SLC22A16: variants seen among roughly 807,000 people sequenced by gnomAD.
The protein encoded by SLC22A16 is solute carrier family 22 member 16.
SLC22A16 carries 53 observed loss-of-function variants against 52.9 expected under a neutral mutation model. That is an observed-to-expected ratio of 1.00 (90% confidence interval 0.80 to 1.26). The LOEUF (loss-of-function observed/expected upper bound fraction) is 1.26, where lower values mean the gene tolerates loss of function less well. Ranked by LOEUF, SLC22A16 falls within the 50% of genes most tolerant of loss-of-function variation. The probability of loss-of-function intolerance (pLI) is 0.00; values close to 1 mark genes in which losing one functional copy is unlikely to be tolerated. For synonymous variants in SLC22A16, 291 were observed against 268.8 expected (o/e 1.08, Z -0.81); for missense variants, 726 against 704.0 (o/e 1.03, Z -0.35).
chr6:110,440,235 G>A (rs1311293567), intron 4 of SLC22A16: 2 of 152,270 alleles, frequency 1.3e-5, no homozygotes, highest in Admixed American at 6.6e-5. Flanking sequence ...GAACTCCTGG[G>A]CTCAAGTAAT....
intron 7 of SLC22A16, among the ~76,000 whole-genome samples, chr6:110,430,232 G>C (rs1016370710): frequency 1.3e-5 from 2 of 152,024 alleles, no homozygotes; most frequent in African/African-American, 4.8e-5. Context: ...AGAAGCCGAT[G>C]CCACAGTGTC....
chr6:110,462,385 A>T (rs1177297055), intron 1 of SLC22A16, among the ~76,000 whole-genome samples: 1 of 152,216 alleles, frequency 6.6e-6, no homozygotes, highest in Non-Finnish European at 1.5e-5. Flanking sequence ...ACAGATAAAG[A>T]ATTCAAAATA....
Position 110,442,474 on chromosome 6 carries a change from C to T in SLC22A16, c.953G>A (p.Ser318Asn), listed in dbSNP as rs1223748318. Residue 318 changes from serine (S) to asparagine (N), a missense_variant, in exon 4 of 8, where the codon AGC becomes AAC. Ser to Asn is a conservative substitution (Grantham distance 46). Transcript: ENST00000368919. ...TAAAAGTTCTGACAGTTTACAGGAG[C>T]TTGCCCTGTTCCACTTGGCCATGAT... ...VDIMAKWNRASSCKLSELLSL... is the reference protein window; with the variant it reads ...VDIMAKWNRANSCKLSELLSL... The T allele has an allele frequency of 6.8e-6, 11 of 1,614,212 alleles. No homozygotes were observed. Among genetic ancestry groups the T allele is most frequent in the Non-Finnish European group, 8.5e-6 (10 of 1,180,032 alleles).
intron 6 of SLC22A16, among the ~76,000 whole-genome samples, chr6:110,434,097 G>A (rs573374746): frequency 5.1e-4 from 78 of 152,064 alleles, no homozygotes; most frequent in African/African-American, 1.7e-3. Flanking sequence ...AAAATTAGCC[G>A]GGCATGGTGG....
chr6:110,429,084 A>G (rs772227174), intron 7 of SLC22A16, among the ~76,000 whole-genome samples: 5 of 152,192 alleles, frequency 3.3e-5, no homozygotes, highest in Admixed American at 1.3e-4. Context: ...TATCTATTTT[A>G]TATTTGCATG....
In SLC22A16 at chr6:110,451,260, C is replaced by T. The variant is rs552604556; in HGVS notation, c.534-4270G>A. Reference sequence around the variant, plus strand: ...GAGTGCAGGGCTGTTAGGAACAATGCTGTGAGGGCACTTTTATGCATGTAC... The same window carrying T: ...GAGTGCAGGGCTGTTAGGAACAATGTTGTGAGGGCACTTTTATGCATGTAC... On this transcript the variant is annotated intron_variant, in intron 2 of 7. Transcript: ENST00000368919. Among the ~76,000 whole-genome samples the T allele has an allele frequency of 2.6e-5, 4 of 152,318 alleles. No homozygotes were observed. The South Asian group carries it at 8.3e-4, about 32-fold the overall frequency.
Position 110,456,862 on chromosome 6 carries a change from C to T in SLC22A16, c.209G>A (p.Ser70Asn), listed in dbSNP as rs145653089. Reference sequence around the variant, plus strand: ...CAACAGGGCCCCGGTGTCCTCCAAACTCCAATTAGAGTGATTATGGAAAAC... The same window carrying T: ...CAACAGGGCCCCGGTGTCCTCCAAATTCCAATTAGAGTGATTATGGAAAAC... ...QVVFHNHSNW[S>N]LEDTGALLSS... Residue 70 changes from serine to asparagine, a missense_variant, in exon 2 of 8, where the codon AGT becomes AAT. Coordinates refer to ENST00000368919, the MANE Select transcript of SLC22A16 (RefSeq NM_033125.4). 941 of 1,614,136 alleles carry T rather than the reference C, an allele frequency of 5.8e-4. 8 individuals carry two copies. The Middle Eastern group carries it at 6.8e-3, about 12-fold the overall frequency.
Position 110,431,215 on chromosome 6 carries a change from G to C in SLC22A16, c.1477C>G (p.Pro493Ala). Residue 493 changes from proline (P) to alanine (A), a missense_variant, in exon 7 of 8, where the codon CCG becomes GCG. Physicochemically the swap from Pro to Ala is conservative, Grantham distance 27. Transcript: ENST00000368919. ...ATGCTGCTGAGGTCCACAGAGAACG[G>C]CGCCAGGATGCTGGCCAGGCGACAC... ...MVCRLASILA[P>A]FSVDLSSIWI... 1 of 1,613,710 alleles carries C rather than the reference G, an allele frequency of 6.2e-7. No individual in the cohort carries two copies. The highest frequency in any genetic ancestry group is 8.5e-7 in the Non-Finnish European group (1 of 1,180,006).
At position 110,425,072 on chromosome 6, in the gene SLC22A16, G is replaced by C. The variant is rs1774201614; in HGVS notation, c.1535C>G (p.Thr512Ser). Reference protein sequence around the residue: ...WIFIPQLFVGTMALLSGVLTL... With the variant: ...WIFIPQLFVGSMALLSGVLTL... ...TAACACTCCACTCAGGAGGGCCATA[G>C]TCCCAACAAACAACTAGAAGGAATT... The change falls in exon 8 of 8, where the codon ACT (threonine) becomes AGT (serine). Residue 512 changes from threonine (T) to serine (S), a missense_variant. By Grantham distance (58) the Thr-to-Ser change is moderately conservative. Coordinates refer to ENST00000368919, the MANE Select transcript of SLC22A16 (RefSeq NM_033125.4). 1 of 1,613,988 alleles carries C rather than the reference G, an allele frequency of 6.2e-7. No individual in the cohort carries two copies. Among genetic ancestry groups the C allele is most frequent in the African/African-American group, 1.3e-5 (1 of 74,900 alleles).
intron 7 of SLC22A16, 103 bp downstream of exon 7, chr6:110,431,068 A>G: frequency 1.0e-6 from 1 of 955,698 alleles, no homozygotes. Flanking sequence ...CCATTAGGAA[A>G]TGATGTACTG....
chr6:110,454,684 T>A (rs1775534657), intron 2 of SLC22A16, among the ~76,000 whole-genome samples: 2 of 71,672 alleles, frequency 2.8e-5, no homozygotes, highest in African/African-American at 1.5e-4. Flanking sequence ...TATTATATAT[T>A]TTATATTATA....
intron 3 of SLC22A16, among the ~76,000 whole-genome samples, chr6:110,446,190 T>C (rs958615685): frequency 2.6e-5 from 4 of 152,154 alleles, no homozygotes; most frequent in Non-Finnish European, 2.9e-5. Context: ...TGCTTGATAG[T>C]TGGAAATCTA....
At chr6:110,454,166 C>G (rs1775493022) in intron 2 of SLC22A16, among the ~76,000 whole-genome samples, 1 of 152,154 alleles carries the variant, frequency 6.6e-6, no homozygotes, top group Non-Finnish European at 1.5e-5. Context: ...CTAATCATAT[C>G]TAAGCCATAG....
chr6:110,473,453 G>GAATGGT (rs1393548402), intron 1 of SLC22A16, among the ~76,000 whole-genome samples: 1 of 142,108 alleles, frequency 7.0e-6, no homozygotes, highest in East Asian at 2.2e-4. Context: ...AGAAATCCTG[G>GAATGGT]AATGGTATTT....
chr6:110,436,330 C>T (rs1043097802), intron 5 of SLC22A16, among the ~76,000 whole-genome samples: 5 of 152,140 alleles, frequency 3.3e-5, no homozygotes, highest in Non-Finnish European at 7.3e-5. Context: ...AGGAGCCATA[C>T]AAACAAATTG....
At chr6:110,428,614 G>A (rs1267083490) in intron 7 of SLC22A16, among the ~76,000 whole-genome samples, 1 of 152,170 alleles carries the variant, frequency 6.6e-6, no homozygotes, top group Non-Finnish European at 1.5e-5. Flanking sequence ...TGTAAAGCAT[G>A]TTCAAAAAGA....
At chr6:110,441,636 A>T (rs1273970950) in intron 4 of SLC22A16, among the ~76,000 whole-genome samples, 1 of 152,220 alleles carries the variant, frequency 6.6e-6, no homozygotes, top group Non-Finnish European at 1.5e-5. Context: ...GAGTGTTTTG[A>T]GAGAGTTAAC....
chr6:110,425,984 G>A (rs1774243576), intron 7 of SLC22A16, among the ~76,000 whole-genome samples: 2 of 152,214 alleles, frequency 1.3e-5, no homozygotes, highest in South Asian at 4.1e-4. Flanking sequence ...CACTTGGTAT[G>A]TTTATAGCCT....
At chr6:110,436,760 A>ATTTG (rs1163678440) in intron 5 of SLC22A16, among the ~76,000 whole-genome samples, 2 of 152,206 alleles carry the variant, frequency 1.3e-5, no homozygotes, top group African/African-American at 4.8e-5. Flanking sequence ...TGTTTTGTTC[A>ATTTG]TTTGTTTGTT....
Sources: gnomAD v4.1 joint callset for allele counts (sites outside exome capture counted in the v4.1 genomes callset) on GRCh38, gnomAD v4.1.1 for gene constraint, MANE v1.5 for transcripts, NCBI Gene and HGNC (gene_info 2026-07-23, HGNC 2026-07-21) for gene names.